Variants in CSMD1 observed in about 807,000 individuals in gnomAD.
CSMD1 encodes CUB and Sushi multiple domains 1.
Under a neutral mutation model 417.5 loss-of-function variants are expected in CSMD1, and 213 were observed. That is an observed-to-expected ratio of 0.51 (90% CI 0.46 to 0.57). The LOEUF (loss-of-function observed/expected upper bound fraction) is 0.57, where lower values mean the gene tolerates loss of function less well. CSMD1 is among the 20% of genes least tolerant of loss of function. CSMD1 has a pLI of 0.00. For synonymous variants in CSMD1, 2,862 were observed against 1,736.8 expected (o/e 1.65, Z -16.11); for missense variants, 6,923 against 4,529.7 (o/e 1.53, Z -15.17).
intron 29 of CSMD1, 46 bp downstream of exon 29, chr8:3,219,209 T>C: frequency 6.8e-7 from 1 of 1,471,650 alleles, no homozygotes; most frequent in Non-Finnish European, 9.3e-7. Flanking sequence ...ATAAAAACAG[T>C]CCTGATACAA....
intron 1 of CSMD1, among the ~76,000 whole-genome samples, chr8:4,663,587 A>G (rs1228104349): frequency 2.6e-5 from 4 of 151,280 alleles, no homozygotes; most frequent in Non-Finnish European, 5.9e-5. Flanking sequence ...CTCTCCCTTC[A>G]CTCTCTTCCT....
intron 1 of CSMD1, among the ~76,000 whole-genome samples, chr8:4,826,345 T>A (rs1799825557): frequency 6.6e-6 from 1 of 152,130 alleles, no homozygotes; most frequent in South Asian, 2.1e-4. Flanking sequence ...AATACATATA[T>A]AATTACAGCT....
chr8:4,344,998 T>C (rs1325636841), intron 3 of CSMD1, among the ~76,000 whole-genome samples: 1 of 147,928 alleles, frequency 6.8e-6, no homozygotes, highest in African/African-American at 2.7e-5. Flanking sequence ...GGCTAGCCAA[T>C]GTTTCATTCT....
intron 2 of CSMD1, among the ~76,000 whole-genome samples, chr8:4,565,104 A>T (rs901342750): frequency 3.5e-4 from 53 of 152,320 alleles, no homozygotes; most frequent in African/African-American, 1.3e-3. Flanking sequence ...CTACCCAAGA[A>T]TCTTCTCACT....
At chr8:4,705,567 G>C (rs1445659614) in intron 1 of CSMD1, among the ~76,000 whole-genome samples, 2 of 152,038 alleles carry the variant, frequency 1.3e-5, no homozygotes, top group African/African-American at 4.8e-5. Context: ...TTTCTTTTTT[G>C]ACTGAAAGGC....
chr8:4,423,600 A>G lies in CSMD1; in HGVS notation c.303-3535T>C, dbSNP rs371413395. On this transcript the variant is annotated intron_variant, in intron 2 of 69. Transcript: ENST00000635120. ...CCATGTTAATAGTATGGAAGATGGAAGACTCAATAATGTAAAGATATAGGT... is the reference window on the plus strand; with the variant it reads ...CCATGTTAATAGTATGGAAGATGGAGGACTCAATAATGTAAAGATATAGGT... Among the ~76,000 whole-genome samples the G allele has an allele frequency of 3.3e-5, 5 of 152,110 alleles. No homozygotes were observed. The East Asian group carries it at 5.8e-4, about 18-fold the overall frequency.
At chr8:4,839,585 A>T (rs1399714936) in intron 1 of CSMD1, among the ~76,000 whole-genome samples, 2 of 152,216 alleles carry the variant, frequency 1.3e-5, no homozygotes, top group Non-Finnish European at 2.9e-5. Flanking sequence ...CCAAGAGATG[A>T]AATAACATAG....
At chr8:4,438,443 A>C (rs1798270623) in intron 2 of CSMD1, among the ~76,000 whole-genome samples, 1 of 152,168 alleles carries the variant, frequency 6.6e-6, no homozygotes, top group Non-Finnish European at 1.5e-5. Context: ...CATGACGCTG[A>C]ATGTTAACTG....
intron 4 of CSMD1, among the ~76,000 whole-genome samples, chr8:4,003,985 CAG>C (rs1310372124): frequency 6.6e-6 from 1 of 151,956 alleles, no homozygotes; most frequent in Admixed American, 6.5e-5. Context: ...TTCAGAGACT[CAG>C]AAAATATATG....
At chr8:4,087,742 C>T (rs1162838897) in intron 3 of CSMD1, among the ~76,000 whole-genome samples, 1 of 152,178 alleles carries the variant, frequency 6.6e-6, no homozygotes, top group South Asian at 2.1e-4. Context: ...TCTTCTGTCT[C>T]TCCCGTTCTC....
chr8:4,144,129 C>T (rs1289560285), intron 3 of CSMD1, among the ~76,000 whole-genome samples: 1 of 151,060 alleles, frequency 6.6e-6, no homozygotes, highest in Non-Finnish European at 1.5e-5. Context: ...TTCCCTGCCC[C>T]CAGACCCAGA....
intron 6 of CSMD1, among the ~76,000 whole-genome samples, chr8:3,734,570 G>T (rs970135131): frequency 6.6e-6 from 1 of 152,148 alleles, no homozygotes; most frequent in Non-Finnish European, 1.5e-5. Flanking sequence ...AAATAGCTAG[G>T]CCTGGTGGCG....
chr8:4,599,336 C>T (rs1186275818), intron 2 of CSMD1, among the ~76,000 whole-genome samples: 2 of 151,988 alleles, frequency 1.3e-5, no homozygotes, highest in East Asian at 1.9e-4. Flanking sequence ...CAGACTTAAC[C>T]CCAGAATAGC....
chr8:3,426,747 T>A (rs1439158621), intron 12 of CSMD1, among the ~76,000 whole-genome samples: 1 of 152,224 alleles, frequency 6.6e-6, no homozygotes, highest in Non-Finnish European at 1.5e-5. Flanking sequence ...AATGTAGGCC[T>A]GACATAAACT....
At chr8:4,663,026 ATC>A (rs1291394405) in intron 1 of CSMD1, among the ~76,000 whole-genome samples, 1 of 152,154 alleles carries the variant, frequency 6.6e-6, no homozygotes, top group Non-Finnish European at 1.5e-5. Flanking sequence ...TCCCTGAAAA[ATC>A]TCTGTTCCAG....
chr8:4,387,569 G>GAAAAAAAAAAAAAAA (rs1563120658), intron 3 of CSMD1, among the ~76,000 whole-genome samples: 2 of 3,310 alleles, frequency 6.0e-4, no homozygotes, highest in Non-Finnish European at 3.0e-3. Context: ...ATCCAAACTG[G>GAAAAAAAAAAAAAAA]CAAAAAAAAA....
chr8:4,454,488 A>G (rs1390768380), intron 2 of CSMD1, among the ~76,000 whole-genome samples: 2 of 152,154 alleles, frequency 1.3e-5, no homozygotes, highest in African/African-American at 2.4e-5. Context: ...TTGTTCCCCT[A>G]GTCACATATA....
chr8:4,705,401 G>A (rs914117739), intron 1 of CSMD1, among the ~76,000 whole-genome samples: 9 of 152,134 alleles, frequency 5.9e-5, no homozygotes, highest in African/African-American at 2.2e-4. Context: ...AACATGCATA[G>A]TCATCCAAAG....
intron 18 of CSMD1, chr8:3,373,343 T>C (rs1161270571): frequency 6.6e-6 from 1 of 152,224 alleles, no homozygotes; most frequent in Admixed American, 6.5e-5. Flanking sequence ...CATGCTGCCA[T>C]CAGGAGAAAG....
Sources: gnomAD v4.1 joint callset for allele counts (sites outside exome capture counted in the v4.1 genomes callset) on GRCh38, gnomAD v4.1.1 for gene constraint, MANE v1.5 for transcripts, NCBI Gene and HGNC (gene_info 2026-07-23, HGNC 2026-07-21) for gene names.